The following PRH1 variants were observed in gnomAD, a reference collection of about 807,000 sequenced individuals.
PRH1 encodes proline rich protein HaeIII subfamily 1.
A neutral mutation model predicts 7.9 loss-of-function variants in PRH1; 7 were observed. That is an observed-to-expected ratio of 0.89 (90% CI 0.50 to 1.67). The LOEUF is 1.67. Among genes scored for constraint, PRH1 ranks in the 40% most tolerant of loss-of-function variants. The probability of loss-of-function intolerance (pLI) is 0.00; values close to 1 mark genes in which losing one functional copy is unlikely to be tolerated. For synonymous variants in PRH1, 45 were observed against 80.8 expected (o/e 0.56, Z 2.38); for missense variants, 109 against 223.6 (o/e 0.49, Z 3.27).
chr12:11,018,331 C>A (rs1192586565), intron 1 of PRH1, among the ~76,000 whole-genome samples: 2 of 152,338 alleles, frequency 1.3e-5, no homozygotes, highest in South Asian at 2.1e-4. Flanking sequence ...CTACACAAGG[C>A]ATCTGCTTAT....
At chr12:10,946,209 C>A (rs563553213) in intron 2 of PRH1, among the ~76,000 whole-genome samples, 1 of 152,152 alleles carries the variant, frequency 6.6e-6, no homozygotes, top group Non-Finnish European at 1.5e-5. Context: ...ATGAAATCTT[C>A]ACAATTTATG....
intron 1 of PRH1, among the ~76,000 whole-genome samples, chr12:11,046,019 G>A (rs1048339833): frequency 1.3e-5 from 2 of 152,156 alleles, no homozygotes; most frequent in African/African-American, 4.8e-5. Context: ...ACTATAGAAA[G>A]TTGTAATATA....
At chr12:11,003,405 C>CAAAA (rs916309118) in intron 1 of PRH1, among the ~76,000 whole-genome samples, 42 of 151,980 alleles carry the variant, frequency 2.8e-4, no homozygotes, top group African/African-American at 9.9e-4. Flanking sequence ...ACACTTTCGT[C>CAAAA]AAAAAGTAGA....
chr12:11,054,043 ACTCCTGAC>A (rs1943259017), intron 1 of PRH1, among the ~76,000 whole-genome samples: 2 of 151,976 alleles, frequency 1.3e-5, no homozygotes, highest in Admixed American at 1.3e-4. Context: ...CTGGTCTGGA[ACTCCTGAC>A]CTCAGGTGAT....
chr12:11,079,080 C>A (rs368086312), intron 1 of PRH1: 1 of 136,926 alleles, frequency 7.3e-6, no homozygotes, highest in African/African-American at 2.6e-5. Context: ...CATGCTTAGG[C>A]CATTGATAAA....
chr12:10,987,719 A>G (rs756480419), intron 1 of PRH1, among the ~76,000 whole-genome samples: 8 of 152,136 alleles, frequency 5.3e-5, no homozygotes, highest in Non-Finnish European at 1.0e-4. Flanking sequence ...TGTATCAAAC[A>G]TCAAACATAT....
At chr12:11,133,160 T>C in intron 1 of PRH1, 1 of 1,216,468 alleles carries the variant, frequency 8.2e-7, no homozygotes, top group Non-Finnish European at 1.1e-6. Flanking sequence ...TATATGTACT[T>C]TTCTAGACTA....
At chr12:10,960,205 C>G (rs1591730453) in intron 2 of PRH1, among the ~76,000 whole-genome samples, 1 of 152,330 alleles carries the variant, frequency 6.6e-6, no homozygotes, top group Non-Finnish European at 1.5e-5. Flanking sequence ...GTCCTGAGGT[C>G]AGGCACTGAT....
intron 2 of PRH1, among the ~76,000 whole-genome samples, chr12:10,969,738 C>G (rs1013729434): frequency 6.6e-5 from 10 of 152,136 alleles, no homozygotes; most frequent in African/African-American, 2.4e-4. Context: ...GCATCATTAG[C>G]AAGCCAAATT....
At chr12:10,951,562 C>T (rs959898764) in intron 2 of PRH1, among the ~76,000 whole-genome samples, 1 of 152,116 alleles carries the variant, frequency 6.6e-6, no homozygotes, top group Non-Finnish European at 1.5e-5. Flanking sequence ...AGGGATGTCA[C>T]ATGCAGGTTG....
At chr12:10,971,180 A>T (rs773640039) in intron 2 of PRH1, among the ~76,000 whole-genome samples, 1 of 148,564 alleles carries the variant, frequency 6.7e-6, no homozygotes, top group African/African-American at 2.5e-5. Context: ...TGTTGATCCC[A>T]TTCTCCTCTT....
At chr12:11,103,768 T>C (rs145869935) in intron 1 of PRH1, among the ~76,000 whole-genome samples, 1 of 152,248 alleles carries the variant, frequency 6.6e-6, no homozygotes, top group African/African-American at 2.4e-5. Flanking sequence ...AATGAATTCA[T>C]ACACAAATTT....
intron 2 of PRH1, among the ~76,000 whole-genome samples, chr12:10,950,843 T>C (rs914366564): frequency 6.6e-6 from 1 of 152,028 alleles, no homozygotes; most frequent in African/African-American, 2.4e-5. Flanking sequence ...ATTCTATCAT[T>C]ACTAGTTTGG....
At chr12:11,101,580 T>C (rs1239134815) in intron 1 of PRH1, among the ~76,000 whole-genome samples, 1 of 152,218 alleles carries the variant, frequency 6.6e-6, no homozygotes, top group Non-Finnish European at 1.5e-5. Context: ...CTAATTACAA[T>C]GATATCTATA....
At chr12:11,122,302 C>G (rs1052080677) in intron 1 of PRH1, among the ~76,000 whole-genome samples, 5 of 151,366 alleles carry the variant, frequency 3.3e-5, no homozygotes, top group African/African-American at 1.2e-4. Flanking sequence ...CCTAAATCAT[C>G]CAAACTCTAT....
intron 1 of PRH1, among the ~76,000 whole-genome samples, chr12:11,058,829 A>C (rs1424219451): frequency 6.6e-6 from 1 of 152,180 alleles, no homozygotes; most frequent in African/African-American, 2.4e-5. Flanking sequence ...TGTGCAAGTC[A>C]TATGCTCATA....
chr12:11,101,463 C>T (rs960329637), intron 1 of PRH1, among the ~76,000 whole-genome samples: 1 of 151,682 alleles, frequency 6.6e-6, no homozygotes, highest in Non-Finnish European at 1.5e-5. Context: ...GCACTCCAGC[C>T]TGGACAACAG....
At chr12:10,978,017 CA>C (rs1381522738) in intron 1 of PRH1, among the ~76,000 whole-genome samples, 1 of 148,142 alleles carries the variant, frequency 6.8e-6, no homozygotes, top group Non-Finnish European at 1.5e-5. Flanking sequence ...CTATTTCTGA[CA>C]AACTACCAGT....
intron 1 of PRH1, among the ~76,000 whole-genome samples, chr12:11,074,281 T>C (rs67756399): frequency 0.5 from 61,140 of 121,842 alleles, 13,521 homozygotes; most frequent in Non-Finnish European, 0.59. Context: ...GGAAGGAGCA[T>C]AAAGCATCCT....
Sources: gnomAD v4.1 joint callset for allele counts (sites outside exome capture counted in the v4.1 genomes callset) on GRCh38, gnomAD v4.1.1 for gene constraint, MANE v1.5 for transcripts, NCBI Gene and HGNC (gene_info 2026-07-23, HGNC 2026-07-21) for gene names.